The following FOCAD variants were observed in gnomAD, a reference collection of about 807,000 sequenced individuals.
FOCAD encodes focadhesin.
Under a neutral mutation model 225.6 loss-of-function variants are expected in FOCAD, and 198 were observed. The observed-to-expected ratio is 0.88, with a 90% CI of 0.78 to 0.99. The LOEUF (loss-of-function observed/expected upper bound fraction) is 0.99. FOCAD is among the 50% of genes least tolerant of loss of function. The pLI is 0.00. For synonymous variants in FOCAD, 897 were observed against 755.0 expected, an observed-to-expected ratio of 1.19 and a Z score of -3.08; for missense variants, 2,713 against 2,123.6, an observed-to-expected ratio of 1.28 and a Z score of -5.46.
intron 11 of FOCAD, among the ~76,000 whole-genome samples, chr9:20,813,005 T>C (rs1404570252): frequency 1.3e-5 from 2 of 152,100 alleles, no homozygotes; most frequent in Admixed American, 1.3e-4. Context: ...TCTATACTCA[T>C]TGAACAGTAG....
chr9:20,714,460 A>G (rs985861095), intron 1 of FOCAD, among the ~76,000 whole-genome samples: 22 of 152,120 alleles, frequency 1.4e-4, no homozygotes, highest in Middle Eastern at 3.4e-3. Context: ...AAAGTAGGTG[A>G]CCTAGAGGGC....
intron 5 of FOCAD, among the ~76,000 whole-genome samples, chr9:20,744,276 G>C (rs1827867570): frequency 6.6e-6 from 1 of 152,152 alleles, no homozygotes; most frequent in Non-Finnish European, 1.5e-5. Flanking sequence ...GCATGGCCCA[G>C]ACTTCTGCAT....
intron 5 of FOCAD, among the ~76,000 whole-genome samples, chr9:20,747,079 G>C (rs1828102718): frequency 6.6e-6 from 1 of 150,692 alleles, no homozygotes; most frequent in Non-Finnish European, 1.5e-5. Flanking sequence ...GCAATCTGTG[G>C]GGAATACATT....
intron 11 of FOCAD, among the ~76,000 whole-genome samples, chr9:20,812,572 T>A (rs1336078987): frequency 2.6e-5 from 4 of 152,126 alleles, no homozygotes; most frequent in African/African-American, 9.6e-5. Flanking sequence ...GATGCTGGTT[T>A]GTGTCTCTCC....
intron 4 of FOCAD, among the ~76,000 whole-genome samples, chr9:20,731,848 C>G (rs931930038): frequency 6.6e-6 from 1 of 152,134 alleles, no homozygotes; most frequent in African/African-American, 2.4e-5. Context: ...AACTCCCAAC[C>G]TCAGGTGATC....
At chr9:20,771,467 T>C (rs1238502241) in intron 8 of FOCAD, among the ~76,000 whole-genome samples, 2 of 152,128 alleles carry the variant, frequency 1.3e-5, no homozygotes, top group East Asian at 1.9e-4. Flanking sequence ...CCAACAAAAA[T>C]GTATTTATTG....
At chr9:20,737,036 G>T (rs1029225887) in intron 4 of FOCAD, among the ~76,000 whole-genome samples, 2 of 152,082 alleles carry the variant, frequency 1.3e-5, no homozygotes, top group African/African-American at 4.8e-5. Context: ...GGCGCTATGT[G>T]TAACTTGATT....
intron 1 of FOCAD, among the ~76,000 whole-genome samples, chr9:20,698,918 A>G (rs115434047): frequency 0.01 from 1,537 of 152,332 alleles, 32 homozygotes; most frequent in African/African-American, 0.035. Flanking sequence ...GCTGAATAGA[A>G]CTTGAAGGAT....
At chr9:20,766,473 G>C (rs749052804) in intron 7 of FOCAD, among the ~76,000 whole-genome samples, 3 of 152,028 alleles carry the variant, frequency 2.0e-5, no homozygotes, top group African/African-American at 7.3e-5. Context: ...TAGAGGAAGC[G>C]TACTATTTTG....
intron 19 of FOCAD, among the ~76,000 whole-genome samples, chr9:20,878,078 C>G (rs1306720878): frequency 6.6e-6 from 1 of 152,040 alleles, no homozygotes; most frequent in African/African-American, 2.4e-5. Context: ...AATACTTACA[C>G]ACAAAGTCAG....
chr9:20,686,265 T>G (rs1031195715), intron 1 of FOCAD, among the ~76,000 whole-genome samples: 45 of 152,226 alleles, frequency 3.0e-4, no homozygotes, highest in African/African-American at 1.1e-3. Context: ...CAAGTGATTC[T>G]TCTGCCTCAG....
At chr9:20,987,568 A>G (rs1014971417) in intron 40 of FOCAD, among the ~76,000 whole-genome samples, 1 of 152,106 alleles carries the variant, frequency 6.6e-6, no homozygotes, top group Non-Finnish European at 1.5e-5. Flanking sequence ...AACAGTTTTT[A>G]TATCTGCATT....
At chr9:20,926,778 T>C (rs1184267661) in intron 26 of FOCAD, among the ~76,000 whole-genome samples, 1 of 145,866 alleles carries the variant, frequency 6.9e-6, no homozygotes, top group Non-Finnish European at 1.5e-5. Flanking sequence ...AGAAAAACTG[T>C]GTCTCAAAAA....
chr9:20,778,410 C>T (rs897816278), intron 8 of FOCAD, among the ~76,000 whole-genome samples: 1 of 151,936 alleles, frequency 6.6e-6, no homozygotes, highest in Non-Finnish European at 1.5e-5. Flanking sequence ...TTGATAGAGA[C>T]GGGGTTTCAC....
intron 24 of FOCAD, among the ~76,000 whole-genome samples, chr9:20,922,516 G>A (rs1834536396): frequency 6.6e-6 from 1 of 152,216 alleles, no homozygotes. Flanking sequence ...AAGAACACAT[G>A]TGCGCCAGCA....
intron 5 of FOCAD, among the ~76,000 whole-genome samples, chr9:20,746,215 A>G (rs147930013): frequency 1.3e-5 from 2 of 152,216 alleles, no homozygotes; most frequent in Admixed American, 6.5e-5. Context: ...ATTTTCTCCT[A>G]TTGTCTGTTT....
intron 40 of FOCAD, among the ~76,000 whole-genome samples, chr9:20,987,000 A>G (rs902054599): frequency 1.7e-4 from 26 of 152,178 alleles, no homozygotes; most frequent in African/African-American, 6.3e-4. Flanking sequence ...TGCTTTAATA[A>G]TTACTGAATA....
chr9:20,961,564 G>C (rs1838732271), intron 35 of FOCAD, among the ~76,000 whole-genome samples: 2 of 152,156 alleles, frequency 1.3e-5, no homozygotes. Flanking sequence ...TCAGTGGACA[G>C]AGCTGGGAAA....
Position 20,866,915 on chromosome 9 carries a change from TTTA to T in FOCAD, c.2107-13_2107-11del. 5 of 951,856 alleles carry T rather than the reference TTTA, an allele frequency of 5.3e-6. No individual in the cohort carries two copies. Among genetic ancestry groups the T allele is most frequent in the South Asian group, 1.7e-5 (1 of 59,628 alleles). The allele number at this position is 951,856 out of a possible 1,614,324, so 59.0% of individuals were successfully genotyped here. On this transcript the variant is annotated splice_polypyrimidine_tract_variant and intron_variant, in intron 17 of 43. Coordinates refer to ENST00000338382, the MANE Select transcript of FOCAD (RefSeq NM_001375567.1). ...TTTTTTTTTTTTTTTTTTTTTTTTT[TTTA>T]CCCTATCTAGGACCCAATTGTAGCA...
Sources: gnomAD v4.1 joint callset for allele counts (sites outside exome capture counted in the v4.1 genomes callset) on GRCh38, gnomAD v4.1.1 for gene constraint, MANE v1.5 for transcripts, NCBI Gene and HGNC (gene_info 2026-07-23, HGNC 2026-07-21) for gene names.